The following SMARCC1 variants were observed in gnomAD, a reference collection of about 807,000 sequenced individuals.
SMARCC1 encodes the protein SWI/SNF related BAF chromatin remodeling complex subunit C1.
Under a neutral mutation model 147.4 loss-of-function variants are expected in SMARCC1, and 43 were observed. That is an observed-to-expected ratio of 0.29 (90% confidence interval 0.23 to 0.38). SMARCC1 has a LOEUF of 0.38. Among genes scored for constraint, SMARCC1 ranks in the 10% least tolerant of loss-of-function variants. SMARCC1 has a pLI of 1.00. For missense variants in SMARCC1, 1,119 were observed against 1,381.1 expected (o/e 0.81, Z 3.01); for synonymous variants, 495 against 484.4 (o/e 1.02, Z -0.29).
chr3:47,694,165 C>T (rs902665078), intron 11 of SMARCC1, among the ~76,000 whole-genome samples: 2 of 152,182 alleles, frequency 1.3e-5, no homozygotes, highest in African/African-American at 4.8e-5. Context: ...CAGCCCTACA[C>T]TGATGGAAAC....
At chr3:47,755,587 G>T (rs1278658059) in intron 2 of SMARCC1, among the ~76,000 whole-genome samples, 1 of 151,840 alleles carries the variant, frequency 6.6e-6, no homozygotes, top group African/African-American at 2.4e-5. Context: ...GGCCAGGCAC[G>T]GTGGCTCATG....
intron 20 of SMARCC1, among the ~76,000 whole-genome samples, chr3:47,661,810 A>G (rs1468890278): frequency 6.6e-6 from 1 of 152,134 alleles, no homozygotes; most frequent in Non-Finnish European, 1.5e-5. Context: ...TAAAACCAAG[A>G]AAGAGTTCTA....
At position 47,726,061 on chromosome 3, in the gene SMARCC1, C is replaced by CAA. The variant is rs546659321; in HGVS notation, c.646+2962_646+2963dup. Reference sequence around the variant, plus strand: ...TGGGTAGAAGAGTGAGACTCTGTCTCAAAAAAAAAAAAAAAAAAAAGGTGA... The same window carrying CAA: ...TGGGTAGAAGAGTGAGACTCTGTCTCAAAAAAAAAAAAAAAAAAAAAAGGTGA... On this transcript the variant is annotated intron_variant, in intron 6 of 27. Coordinates refer to ENST00000254480, the MANE Select transcript of SMARCC1 (RefSeq NM_003074.4). 7.3e-4 allele frequency among the ~76,000 whole-genome samples: 37 copies of CAA among 50,764 alleles called. 1 individual carries two copies. Among genetic ancestry groups the CAA allele is most frequent in the South Asian group, 3.1e-3 (3 of 966 alleles). 33.3% of individuals were successfully genotyped at this position (50,764 alleles called of 152,430 possible). A position where few individuals can be genotyped will look rare whatever the true frequency, so the allele number is the denominator to read the frequency against.
At position 47,673,385 on chromosome 3, in the gene SMARCC1, C is replaced by CA. The variant is rs1214947952; in HGVS notation, c.1839+2089dup. ...TGGGCGACAGAGCGAGACTCTGTCT[C>CA]AAAAAAAAAAGGGTGGGGGGGGGGC... is the stretch of plus-strand genomic sequence containing the variant. On this transcript the variant is annotated intron_variant, in intron 18 of 27. Transcript: ENST00000254480. Among the ~76,000 whole-genome samples the CA allele has an allele frequency of 2.4e-4, 9 of 37,356 alleles. 1 individual carries two copies. Among genetic ancestry groups the CA allele is most frequent in the African/African-American group, 5.1e-4 (5 of 9,740 alleles). 24.5% of individuals were successfully genotyped at this position (37,356 alleles called of 152,430 possible).
chr3:47,654,313 T>C (rs144889524), intron 21 of SMARCC1, among the ~76,000 whole-genome samples: 4 of 152,342 alleles, frequency 2.6e-5, no homozygotes, highest in South Asian at 2.1e-4. Context: ...TGCTGGGTAC[T>C]GTCTGGTGGT....
intron 26 of SMARCC1, among the ~76,000 whole-genome samples, chr3:47,609,518 A>G (rs1430200880): frequency 2.0e-5 from 3 of 151,906 alleles, no homozygotes; most frequent in Non-Finnish European, 4.4e-5. Context: ...AAAGACTCCC[A>G]CTGGTTAGAG....
At chr3:47,697,648 T>C (rs919135160) in intron 11 of SMARCC1, among the ~76,000 whole-genome samples, 2 of 151,126 alleles carry the variant, frequency 1.3e-5, no homozygotes, top group African/African-American at 4.9e-5. Context: ...TCCAAACTCA[T>C]TTTATGAGGC....
intron 2 of SMARCC1, among the ~76,000 whole-genome samples, chr3:47,748,519 C>A (rs201040333): frequency 1.3e-5 from 1 of 78,280 alleles, no homozygotes; most frequent in East Asian, 3.6e-4. Flanking sequence ...CCACCGCACC[C>A]GGCCTATTAT....
At chr3:47,719,417 C>T (rs1196841834) in intron 7 of SMARCC1, among the ~76,000 whole-genome samples, 1 of 151,942 alleles carries the variant, frequency 6.6e-6, no homozygotes, top group Non-Finnish European at 1.5e-5. Flanking sequence ...GCAAACTGAT[C>T]AGGCTGGACG....
intron 19 of SMARCC1, chr3:47,663,667 C>T: frequency 6.6e-7 from 1 of 1,505,594 alleles, no homozygotes; most frequent in African/African-American, 1.4e-5. Context: ...CATCGAAGCC[C>T]CCAGTCATTG....
At chr3:47,661,052 T>C (rs1306304087) in intron 21 of SMARCC1, among the ~76,000 whole-genome samples, 3 of 152,144 alleles carry the variant, frequency 2.0e-5, no homozygotes, top group Non-Finnish European at 4.4e-5. Flanking sequence ...AAAACCTGGA[T>C]CTACAAACAG....
At chr3:47,680,411 C>G (rs577233428) in intron 15 of SMARCC1, 26 bp downstream of exon 15, 2 of 1,558,112 alleles carry the variant, frequency 1.3e-6, no homozygotes, top group African/African-American at 2.7e-5. Context: ...GGCAAATAAA[C>G]AAGTTTTCTA....
At chr3:47,628,333 TC>T (rs1309121212) in intron 24 of SMARCC1, among the ~76,000 whole-genome samples, 2 of 152,204 alleles carry the variant, frequency 1.3e-5, no homozygotes, top group African/African-American at 4.8e-5. Flanking sequence ...AAACTAGTTT[TC>T]TGTGTCACCT....
chr3:47,658,884 C>T (rs1428580979), intron 21 of SMARCC1, among the ~76,000 whole-genome samples: 1 of 152,102 alleles, frequency 6.6e-6, no homozygotes, highest in Admixed American at 6.6e-5. Context: ...CTTTGGCAGA[C>T]CGAGGCGGGT....
intron 8 of SMARCC1, among the ~76,000 whole-genome samples, chr3:47,711,476 G>C (rs920177413): frequency 6.6e-6 from 1 of 152,162 alleles, no homozygotes; most frequent in African/African-American, 2.4e-5. Context: ...GGCACAACTG[G>C]AATTTGACAC....
intron 26 of SMARCC1, among the ~76,000 whole-genome samples, chr3:47,601,130 CT>C (rs527274418): frequency 9.0e-4 from 116 of 129,030 alleles, no homozygotes; most frequent in Non-Finnish European, 1.1e-3. Context: ...TTTCTTTTTT[CT>C]TTTTTTTTTT....
At chr3:47,683,709 C>CTT (rs891706602) in intron 14 of SMARCC1, among the ~76,000 whole-genome samples, 2 of 151,374 alleles carry the variant, frequency 1.3e-5, no homozygotes, top group Non-Finnish European at 2.9e-5. Flanking sequence ...GGGCAACAGA[C>CTT]TGAGACTCCG....
At chr3:47,640,768 C>A (rs1302922306) in intron 21 of SMARCC1, among the ~76,000 whole-genome samples, 1 of 151,814 alleles carries the variant, frequency 6.6e-6, no homozygotes, top group Non-Finnish European at 1.5e-5. Context: ...CAAACAGGGA[C>A]AACGGATAAG....
chr3:47,772,933 C>T lies in SMARCC1; in HGVS notation c.199G>A (p.Val67Ile), dbSNP rs759226752. The change falls in exon 2 of 28, where the codon GTT (valine) becomes ATT (isoleucine). Residue 67 changes from valine (V) to isoleucine (I), a missense_variant. Val to Ile is a conservative substitution (Grantham distance 29). Transcript: ENST00000254480. ...VWLGKHYKKY[V>I]HADAPTNKTL... ...TTATTGGTAGGAGCATCCGCATGAA[C>T]ATACTGCAAGATAAAGACAGGCATT... 1.2e-5 allele frequency: 19 copies of T among 1,607,622 alleles called. No homozygotes were observed. In the South Asian group the frequency reaches 1.8e-4, roughly 15 times the overall value.
Sources: allele counts gnomAD v4.1 joint callset (sites outside exome capture counted in the v4.1 genomes callset), GRCh38; gene constraint gnomAD v4.1.1; transcripts MANE v1.5; gene names NCBI Gene and HGNC (gene_info 2026-07-23, HGNC 2026-07-21).